KCND2: variants seen among roughly 807,000 people sequenced by gnomAD.
KCND2 encodes the protein A-type voltage-gated potassium channel KCND2.
In KCND2, 16 loss-of-function variants were observed where a neutral mutation model predicts 54.4. The observed-to-expected ratio is 0.29, with a 90% CI of 0.20 to 0.45. The LOEUF is 0.45. KCND2 is among the 20% of genes least tolerant of loss of function. The pLI is 1.00. For missense variants in KCND2, 486 were observed against 824.2 expected (o/e 0.59, Z 5.02); for synonymous variants, 317 against 310.7 (o/e 1.02, Z -0.21).
chr7:120,686,888 A>G (rs1276026530), intron 1 of KCND2, among the ~76,000 whole-genome samples: 1 of 152,096 alleles, frequency 6.6e-6, no homozygotes, highest in East Asian at 1.9e-4. Context: ...ACCGCTGATC[A>G]CTAGTTTCAT....
intron 1 of KCND2, among the ~76,000 whole-genome samples, chr7:120,726,337 A>G (rs1362382604): frequency 6.6e-6 from 1 of 152,194 alleles, no homozygotes; most frequent in East Asian, 1.9e-4. Flanking sequence ...CTCAAAAAAA[A>G]GGTCATTTGC....
intron 1 of KCND2, among the ~76,000 whole-genome samples, chr7:120,314,171 T>G (rs1799780234): frequency 6.6e-6 from 1 of 152,018 alleles, no homozygotes; most frequent in Non-Finnish European, 1.5e-5. Context: ...AGAGAAATAT[T>G]CAGATTCAGT....
intron 1 of KCND2, among the ~76,000 whole-genome samples, chr7:120,463,144 C>A (rs1802307680): frequency 6.6e-6 from 1 of 151,974 alleles, no homozygotes; most frequent in African/African-American, 2.4e-5. Context: ...ATGTATTCTT[C>A]CCCCGCCCTT....
chr7:120,527,420 C>A (rs988260854), intron 1 of KCND2, among the ~76,000 whole-genome samples: 1 of 152,222 alleles, frequency 6.6e-6, no homozygotes, highest in East Asian at 1.9e-4. Context: ...TACACTACAT[C>A]TCTAGTGAGG....
At chr7:120,640,170 G>A (rs1793353859) in intron 1 of KCND2, among the ~76,000 whole-genome samples, 1 of 152,102 alleles carries the variant, frequency 6.6e-6, no homozygotes, top group African/African-American at 2.4e-5. Context: ...AGCCTTCACT[G>A]AAATTTATTG....
At chr7:120,576,308 G>A (rs1242567762) in intron 1 of KCND2, among the ~76,000 whole-genome samples, 4 of 152,082 alleles carry the variant, frequency 2.6e-5, no homozygotes, top group Non-Finnish European at 4.4e-5. Context: ...CTTATTTAAT[G>A]TTATAACAAA....
At chr7:120,510,977 C>T (rs1325169287) in intron 1 of KCND2, among the ~76,000 whole-genome samples, 2 of 151,022 alleles carry the variant, frequency 1.3e-5, no homozygotes, top group East Asian at 3.9e-4. Context: ...CTCTGCATGG[C>T]CTCCCATGAC....
intron 1 of KCND2, among the ~76,000 whole-genome samples, chr7:120,373,014 A>C (rs1800784969): frequency 1.3e-5 from 2 of 151,798 alleles, no homozygotes; most frequent in African/African-American, 4.8e-5. Flanking sequence ...CTTTAACTTC[A>C]CGAGAATATT....
intron 1 of KCND2, among the ~76,000 whole-genome samples, chr7:120,683,003 A>C (rs958630951): frequency 6.6e-6 from 1 of 151,980 alleles, no homozygotes; most frequent in African/African-American, 2.4e-5. Flanking sequence ...CTTCTAGAAG[A>C]CTCCCCAACT....
chr7:120,345,257 G>A (rs901836553), intron 1 of KCND2, among the ~76,000 whole-genome samples: 2 of 152,080 alleles, frequency 1.3e-5, no homozygotes, highest in African/African-American at 4.8e-5. Context: ...GAAATGAGTG[G>A]TTAATTGGTC....
chr7:120,328,805 T>C (rs1257012466), intron 1 of KCND2, among the ~76,000 whole-genome samples: 1 of 152,152 alleles, frequency 6.6e-6, no homozygotes, highest in Non-Finnish European at 1.5e-5. Flanking sequence ...GTCTTAGTTA[T>C]ATATTCTTGA....
At chr7:120,614,542 C>T (rs1275729394) in intron 1 of KCND2, among the ~76,000 whole-genome samples, 1 of 152,096 alleles carries the variant, frequency 6.6e-6, no homozygotes, top group Non-Finnish European at 1.5e-5. Context: ...TGAATTTCAC[C>T]TCACAACACC....
intron 1 of KCND2, among the ~76,000 whole-genome samples, chr7:120,561,317 T>C (rs1001127793): frequency 7.9e-5 from 12 of 152,074 alleles, no homozygotes; most frequent in African/African-American, 2.7e-4. Flanking sequence ...ATATGGTAAA[T>C]AAAATTGGAA....
At chr7:120,492,620 C>A (rs1488158011) in intron 1 of KCND2, among the ~76,000 whole-genome samples, 1 of 152,046 alleles carries the variant, frequency 6.6e-6, no homozygotes, top group Non-Finnish European at 1.5e-5. Flanking sequence ...CGCAAAGCAG[C>A]TCTCTAGAGT....
At chr7:120,283,246 T>A (rs1181747827) in intron 1 of KCND2, among the ~76,000 whole-genome samples, 2 of 152,046 alleles carry the variant, frequency 1.3e-5, no homozygotes, top group Non-Finnish European at 2.9e-5. Context: ...TAGTAGCAAA[T>A]GGAATCTGAA....
chr7:120,403,395 C>T (rs1461935558), intron 1 of KCND2, among the ~76,000 whole-genome samples: 1 of 151,512 alleles, frequency 6.6e-6, no homozygotes, highest in Non-Finnish European at 1.5e-5. Flanking sequence ...TGGCTTACTG[C>T]AACCTCTGCC....
Position 120,338,602 on chromosome 7 carries a change from C to T in KCND2, c.1115+62855C>T, listed in dbSNP as rs191491196. On this transcript the variant is annotated intron_variant, in intron 1 of 5. Coordinates refer to ENST00000331113, the MANE Select transcript of KCND2 (RefSeq NM_012281.3). ...TTTCTTGGGGATATGATTTTATCAACCGAAATTTTTCTTATAATGAGAAAA... is the reference window on the plus strand; with the variant it reads ...TTTCTTGGGGATATGATTTTATCAATCGAAATTTTTCTTATAATGAGAAAA... Among the ~76,000 whole-genome samples the T allele has an allele frequency of 9.2e-5, 14 of 151,776 alleles. No homozygotes were observed. The East Asian group carries it at 2.7e-3, about 29-fold the overall frequency.
chr7:120,314,940 T>A (rs1799791172), intron 1 of KCND2, among the ~76,000 whole-genome samples: 3 of 152,114 alleles, frequency 2.0e-5, no homozygotes, highest in Non-Finnish European at 4.4e-5. Context: ...ATGCATGTTA[T>A]CACCACTGAA....
chr7:120,309,452 C>CATATATATATATATAT (rs61690032), intron 1 of KCND2, among the ~76,000 whole-genome samples: 1,597 of 67,526 alleles, frequency 0.024, 22 homozygotes, highest in South Asian at 0.042. Flanking sequence ...TAATAGAAAA[C>CATATATATATATATAT]ATATATATAT....
Sources: allele counts gnomAD v4.1 joint callset (sites outside exome capture counted in the v4.1 genomes callset), GRCh38; gene constraint gnomAD v4.1.1; transcripts MANE v1.5; gene names NCBI Gene and HGNC (gene_info 2026-07-23, HGNC 2026-07-21).